PRP4K: variants seen among roughly 807,000 people sequenced by gnomAD.
PRP4K encodes serine/threonine-protein kinase PRP4 homolog.
the PRP4K span, among the ~76,000 whole-genome samples, chr6:4,041,985 G>A: frequency 1.1e-4 from 16 of 152,308 alleles, no homozygotes; most frequent in South Asian, 6.2e-4. Flanking sequence ...GGGTTAGTGC[G>A]GAGGGTTGGG....
At chr6:4,046,547 G>T in the PRP4K span, among the ~76,000 whole-genome samples, 1 of 152,100 alleles carries the variant, frequency 6.6e-6, no homozygotes, top group Non-Finnish European at 1.5e-5. Context: ...GGGATTTAAG[G>T]TGCAAATAAC....
At chr6:4,040,282 CT>C in the PRP4K span, among the ~76,000 whole-genome samples, 3 of 151,752 alleles carry the variant, frequency 2.0e-5, no homozygotes, top group East Asian at 5.8e-4. Context: ...AAGTAAAATG[CT>C]TTTTGTTGTA....
chr6:4,023,345 G>A, the PRP4K span, among the ~76,000 whole-genome samples: 1 of 152,142 alleles, frequency 6.6e-6, no homozygotes, highest in Non-Finnish European at 1.5e-5. Flanking sequence ...AGGTAGATAC[G>A]TTTATTTTCC....
chr6:4,035,283 AATTT>A, the PRP4K span, among the ~76,000 whole-genome samples: 1 of 55,094 alleles, frequency 1.8e-5, no homozygotes, highest in South Asian at 7.1e-4. Flanking sequence ...ACGCCCGGCT[AATTT>A]TTTTTTTTTT....
At chr6:4,049,657 G>A in the PRP4K span, 2 of 1,410,986 alleles carry the variant, frequency 1.4e-6, no homozygotes, top group Admixed American at 4.1e-5. Flanking sequence ...ATTTTTAAAT[G>A]ACTGCACTGT....
the PRP4K span, among the ~76,000 whole-genome samples, chr6:4,057,960 G>T: frequency 6.6e-6 from 1 of 152,086 alleles, no homozygotes; most frequent in Admixed American, 6.5e-5. Context: ...AATTTCTAAA[G>T]ATTTACACAT....
At chr6:4,054,578 C>T in the PRP4K span, among the ~76,000 whole-genome samples, 1 of 152,286 alleles carries the variant, frequency 6.6e-6, no homozygotes, top group Admixed American at 6.5e-5. Context: ...GTGATCTCGG[C>T]TCACTGCAAC....
the PRP4K span, chr6:4,043,751 A>C: frequency 6.7e-7 from 1 of 1,482,816 alleles, no homozygotes; most frequent in South Asian, 1.2e-5. Context: ...ACTCTTAGCC[A>C]TGAATGTATT....
chr6:4,040,683 T>C, the PRP4K span: 27 of 1,334,254 alleles, frequency 2.0e-5, no homozygotes, highest in Non-Finnish European at 2.7e-5. Context: ...GAAAGTAGAA[T>C]TTCTATATAT....
chr6:4,051,705 A>G, the PRP4K span, among the ~76,000 whole-genome samples: 72 of 152,172 alleles, frequency 4.7e-4, no homozygotes, highest in African/African-American at 1.6e-3. Flanking sequence ...TTGTTCCTCA[A>G]TGTTTCTGTT....
chr6:4,051,934 C>A, the PRP4K span: 2 of 1,443,468 alleles, frequency 1.4e-6, no homozygotes, highest in South Asian at 1.3e-5. Context: ...TCAATTTTAC[C>A]CCAATTTTTT....
At chr6:4,050,807 C>G in the PRP4K span, among the ~76,000 whole-genome samples, 2 of 152,184 alleles carry the variant, frequency 1.3e-5, no homozygotes, top group East Asian at 3.8e-4. Context: ...TAAAATGTAG[C>G]TTATTGACAA....
At chr6:4,022,401 CAAG>C in the PRP4K span, among the ~76,000 whole-genome samples, 1 of 150,898 alleles carries the variant, frequency 6.6e-6, no homozygotes, top group South Asian at 2.1e-4. Context: ...AAAACTCAAA[CAAG>C]AACCTTAACA....
chr6:4,057,262 A>T, the PRP4K span: 17 of 1,487,568 alleles, frequency 1.1e-5, no homozygotes, highest in Admixed American at 3.1e-4. Context: ...CTTGCTCACC[A>T]CTAGTGAGCT....
At chr6:4,029,012 C>CTTTTTTTTTTTTTTTTTTTTTTTTT in the PRP4K span, among the ~76,000 whole-genome samples, 1 of 132,484 alleles carries the variant, frequency 7.5e-6, no homozygotes, top group Non-Finnish European at 1.6e-5. Flanking sequence ...TACTTGGAAT[C>CTTTTTTTTTTTTTTTTTTTTTTTTT]TTTTTTTTTT....
At chr6:4,052,252 TTTGTTG>T in the PRP4K span, among the ~76,000 whole-genome samples, 15 of 151,642 alleles carry the variant, frequency 9.9e-5, no homozygotes, top group African/African-American at 2.2e-4. Context: ...ACAGCTAGTC[TTTGTTG>T]TTGTTGTTGT....
the PRP4K span, chr6:4,032,656 A>T: frequency 1.2e-6 from 2 of 1,614,012 alleles, no homozygotes; most frequent in Non-Finnish European, 1.7e-6. Flanking sequence ...AAGCAGAGCA[A>T]ATCCCCCTCG....
chr6:4,034,905 G>A, the PRP4K span, among the ~76,000 whole-genome samples: 1 of 151,674 alleles, frequency 6.6e-6, no homozygotes, highest in Non-Finnish European at 1.5e-5. Context: ...TAGAGACAGG[G>A]TTTCACCATG....
At chr6:4,055,328 T>G in the PRP4K span, among the ~76,000 whole-genome samples, 1 of 152,248 alleles carries the variant, frequency 6.6e-6, no homozygotes, top group Non-Finnish European at 1.5e-5. Flanking sequence ...ACTTTTCTAT[T>G]TTAAGATGCT....
Sources: allele counts gnomAD v4.1 joint callset (sites outside exome capture counted in the v4.1 genomes callset), GRCh38; gene constraint gnomAD v4.1.1; transcripts MANE v1.5; gene names NCBI Gene and HGNC (gene_info 2026-07-23, HGNC 2026-07-21).